The following FSD1L variants were observed in gnomAD, a reference collection of about 807,000 sequenced individuals.
FSD1L encodes the protein fibronectin type III and SPRY domain containing 1 like, also known as FSD1-like protein.
In FSD1L, 45 loss-of-function variants were observed where a neutral mutation model predicts 71.6. The ratio of observed to expected loss-of-function variants is 0.63; its 90% CI spans 0.49 to 0.81. FSD1L has a LOEUF of 0.81. Among genes scored for constraint, FSD1L ranks in the 30% least tolerant of loss-of-function variants. The probability of loss-of-function intolerance (pLI) is 0.00; values close to 1 mark genes in which losing one functional copy is unlikely to be tolerated. For synonymous variants in FSD1L, 197 were observed against 207.2 expected (o/e 0.95, Z 0.42); for missense variants, 561 against 618.1 (o/e 0.91, Z 0.98).
chr9:105,549,005 T>G lies in FSD1L; in HGVS notation c.*2522T>G, dbSNP rs887253056. The G allele has an allele frequency of 2.6e-5, 4 of 152,120 alleles. No individual in the cohort carries two copies. Among genetic ancestry groups the G allele is most frequent in the Admixed American group, 6.6e-5 (1 of 15,258 alleles). 9.4% of individuals were successfully genotyped at this position (152,120 alleles called of 1,614,324 possible). ...AAAATAAGGTAACTATTAACTTGAT[T>G]ATACTATATAATATTCTCAATTACA... On this transcript the variant is annotated 3_prime_UTR_variant, in exon 14 of 14. Transcript: ENST00000481272.
At chr9:105,448,303 T>C in intron 1 of FSD1L, 68 bp downstream of exon 1, 3 of 1,215,148 alleles carry the variant, frequency 2.5e-6, no homozygotes, top group Non-Finnish European at 2.2e-6. Context: ...GCGGGGCGCC[T>C]GGGCCCGTGG....
chr9:105,485,113 A>G (rs879393581), intron 7 of FSD1L, among the ~76,000 whole-genome samples: 4 of 152,216 alleles, frequency 2.6e-5, no homozygotes, highest in Admixed American at 2.6e-4. Context: ...AATTATTCAC[A>G]TATGTAAAAG....
chr9:105,503,360 G>A lies in FSD1L; in HGVS notation c.587-3039G>A, dbSNP rs745324174. 2.0e-5 allele frequency among the ~76,000 whole-genome samples: 3 copies of A among 152,226 alleles called. No individual in the cohort carries two copies. In the East Asian group the frequency reaches 5.8e-4, roughly 29 times the overall value. ...TAATGTATCCTATAGTACATTATAT[G>A]TAGTAATATTAGTTATGGACATACC... On this transcript the variant is annotated intron_variant, in intron 7 of 13. Transcript: ENST00000481272.
Position 105,547,262 on chromosome 9 carries a change from G to C in FSD1L, c.*779G>C, listed in dbSNP as rs1194552406. 1 of 151,132 alleles carries C rather than the reference G, an allele frequency of 6.6e-6. No homozygotes were observed. The allele number at this position is 151,132 out of a possible 1,614,324, so 9.4% of individuals were successfully genotyped here. On this transcript the variant is annotated 3_prime_UTR_variant, in exon 14 of 14. Coordinates refer to ENST00000481272, the MANE Select transcript of FSD1L (RefSeq NM_001145313.3). ...TGAAAGCCTTATATTTTTTGATTTT[G>C]TTGTCTAGTTTAATCCTACCTTTAA...
intron 7 of FSD1L, among the ~76,000 whole-genome samples, chr9:105,506,082 C>G (rs1164674010): frequency 6.6e-6 from 1 of 152,082 alleles, no homozygotes; most frequent in Non-Finnish European, 1.5e-5. Flanking sequence ...TTATTTCAGT[C>G]ATTATATTCA....
intron 4 of FSD1L, among the ~76,000 whole-genome samples, 159 bp from the exon 5 acceptor site, chr9:105,471,745 T>TAA (rs1554701795): frequency 4.1e-5 from 6 of 147,054 alleles, no homozygotes; most frequent in South Asian, 2.1e-4. Context: ...TATATATATA[T>TAA]AACTTGATTA....
At chr9:105,463,533 A>C (rs1333274189) in intron 2 of FSD1L, among the ~76,000 whole-genome samples, 1 of 152,238 alleles carries the variant, frequency 6.6e-6, no homozygotes, top group Non-Finnish European at 1.5e-5. Flanking sequence ...GTCACATTTC[A>C]AGACTTCTTT....
At chr9:105,504,318 T>C (rs1833932240) in intron 7 of FSD1L, among the ~76,000 whole-genome samples, 1 of 152,220 alleles carries the variant, frequency 6.6e-6, no homozygotes, top group Non-Finnish European at 1.5e-5. Context: ...TGACAAATAA[T>C]AAATGCTTTT....
rs569874820 is a variant in FSD1L, at chr9:105,495,588, T to C, written c.587-10811T>C. Among the ~76,000 whole-genome samples, 310 of 152,338 alleles carry C rather than the reference T, an allele frequency of 2.0e-3. 1 individual carries two copies. Among genetic ancestry groups the C allele is most frequent in the African/African-American group, 7.0e-3 (292 of 41,588 alleles). On this transcript the variant is annotated intron_variant, in intron 7 of 13. Transcript: ENST00000481272. Reference sequence around the variant, plus strand: ...GGAAATGCAGAAATCACCTGTCTTCTGCGTAGCTCACGCTGGGAGCTGTAG... The same window carrying C: ...GGAAATGCAGAAATCACCTGTCTTCCGCGTAGCTCACGCTGGGAGCTGTAG...
At chr9:105,502,372 A>G (rs554298348) in intron 7 of FSD1L, among the ~76,000 whole-genome samples, 45 of 152,286 alleles carry the variant, frequency 3.0e-4, no homozygotes, top group African/African-American at 9.9e-4. Flanking sequence ...TTGAAATTGT[A>G]TATTTTACTT....
chr9:105,507,956 A>C (rs1430558863), intron 8 of FSD1L, among the ~76,000 whole-genome samples: 1 of 142,340 alleles, frequency 7.0e-6, no homozygotes, highest in Non-Finnish European at 1.5e-5. Flanking sequence ...CAATTGCACG[A>C]TCTCGGCTCA....
In FSD1L at chr9:105,506,387, T is replaced by C. The variant is rs1564122494; in HGVS notation, c.587-12T>C. ...GGAATGAATGAGTCTTTTTTTTTTT[T>C]CTTCTTTGCAGTCCCCAAAGCTCCA... is the stretch of plus-strand genomic sequence containing the variant. On this transcript the variant is annotated splice_polypyrimidine_tract_variant and intron_variant, in intron 7 of 13. Transcript: ENST00000481272. 8 of 1,519,506 alleles carry C rather than the reference T, an allele frequency of 5.3e-6. No homozygotes were observed. Among genetic ancestry groups the C allele is most frequent in the Admixed American group, 4.3e-5 (2 of 46,234 alleles). The allele number at this position is 1,519,506 out of a possible 1,614,324, so 94.1% of individuals were successfully genotyped here.
intron 7 of FSD1L, among the ~76,000 whole-genome samples, chr9:105,484,765 G>A (rs1315871890): frequency 6.6e-6 from 1 of 152,132 alleles, no homozygotes; most frequent in Non-Finnish European, 1.5e-5. Flanking sequence ...ATGGTTAGCA[G>A]TGGGTCTCAA....
At chr9:105,490,067 G>C (rs1268677809) in intron 7 of FSD1L, among the ~76,000 whole-genome samples, 2 of 152,214 alleles carry the variant, frequency 1.3e-5, no homozygotes, top group African/African-American at 4.8e-5. Context: ...CTAGATCCCT[G>C]AGGAATCACC....
At chr9:105,513,061 A>C in intron 10 of FSD1L, 125 bp downstream of exon 10, 1 of 709,300 alleles carries the variant, frequency 1.4e-6, no homozygotes, top group Non-Finnish European at 2.1e-6. Context: ...TAGTAGCACC[A>C]AAGTGAAGAA....
chr9:105,465,227 A>G (rs1363534306), intron 3 of FSD1L, among the ~76,000 whole-genome samples: 1 of 152,196 alleles, frequency 6.6e-6, no homozygotes, highest in Non-Finnish European at 1.5e-5. Flanking sequence ...AGAAAATCTG[A>G]ATAGGTCAAT....
At chr9:105,524,171 C>G in intron 10 of FSD1L, 1 of 1,612,216 alleles carries the variant, frequency 6.2e-7, no homozygotes, top group Non-Finnish European at 8.5e-7. Context: ...AAGAACTAGT[C>G]CATGAGTCTC....
At chr9:105,521,066 G>T in intron 10 of FSD1L, 1 of 1,613,412 alleles carries the variant, frequency 6.2e-7, no homozygotes, top group Non-Finnish European at 8.5e-7. Context: ...ACATCCCGCA[G>T]ATGAGACCAA....
rs1330974597 is a variant in FSD1L, at chr9:105,523,673, A to T, written c.1025+10737A>T. On this transcript the variant is annotated intron_variant, in intron 10 of 13. Transcript: ENST00000481272. Reference sequence around the variant, plus strand: ...TTAAGGCAACCATGTTGACTGATAAATATAAACAAGGTAAATTACATGCAT... The same window carrying T: ...TTAAGGCAACCATGTTGACTGATAATTATAAACAAGGTAAATTACATGCAT... The T allele has an allele frequency of 2.5e-6, 4 of 1,600,684 alleles. No individual in the cohort carries two copies. The African/African-American group carries it at 5.4e-5, about 21-fold the overall frequency.
Sources: allele counts gnomAD v4.1 joint callset (sites outside exome capture counted in the v4.1 genomes callset), GRCh38; gene constraint gnomAD v4.1.1; transcripts MANE v1.5; gene names NCBI Gene and HGNC (gene_info 2026-07-23, HGNC 2026-07-21).